Variants in STK32C observed in about 807,000 individuals in gnomAD.
STK32C encodes serine/threonine kinase 32C, also known as serine/threonine-protein kinase 32C.
A neutral mutation model predicts 56.5 loss-of-function variants in STK32C; 31 were observed. The ratio of observed to expected loss-of-function variants is 0.55; its 90% CI spans 0.41 to 0.74. STK32C has a LOEUF of 0.74. Ranked by LOEUF, STK32C falls within the 30% of genes least tolerant of loss-of-function variation. STK32C has a pLI of 0.00. For synonymous variants in STK32C, 309 were observed against 289.4 expected (o/e 1.07, Z -0.69); for missense variants, 544 against 676.9 (o/e 0.80, Z 2.18).
chr10:132,273,043 AC>A (rs1376081326), intron 1 of STK32C, among the ~76,000 whole-genome samples: 1 of 152,294 alleles, frequency 6.6e-6, no homozygotes, highest in African/African-American at 2.4e-5. Flanking sequence ...TGTCGTTTTC[AC>A]CAAGATTTCA....
chr10:132,303,985 A>G (rs965129923), intron 1 of STK32C, among the ~76,000 whole-genome samples: 6 of 152,198 alleles, frequency 3.9e-5, no homozygotes, highest in African/African-American at 1.4e-4. Context: ...ACCCCACGAC[A>G]GCATGGCCCA....
chr10:132,221,543 G>GT, intron 10 of STK32C, among the ~76,000 whole-genome samples: 1 of 130,974 alleles, frequency 7.6e-6, no homozygotes, highest in South Asian at 2.7e-4. Flanking sequence ...CTGGGCAAGT[G>GT]TGAGGGCTTC....
intron 1 of STK32C, among the ~76,000 whole-genome samples, chr10:132,279,875 A>T (rs2065106423): frequency 6.8e-6 from 1 of 146,370 alleles, no homozygotes; most frequent in African/African-American, 2.6e-5. Flanking sequence ...GCACTCTGTG[A>T]TCACGCCACC....
chr10:132,253,928 G>T (rs1413845807), intron 1 of STK32C, among the ~76,000 whole-genome samples: 1 of 152,266 alleles, frequency 6.6e-6, no homozygotes, highest in African/African-American at 2.4e-5. Context: ...CGGCTGAGTG[G>T]CTGGCCCACA....
chr10:132,222,842 G>C lies in STK32C; in HGVS notation c.1119+19C>G. On this transcript the variant is annotated intron_variant, in intron 9 of 11. Coordinates refer to ENST00000298630, the MANE Select transcript of STK32C (RefSeq NM_173575.4). The stretch of plus-strand genomic sequence containing the variant: ...CATCCATCCCCAGGGCCCCCCACCT[G>C]AGCCGCCCACAGGCTTACGTTGGGC... 1 of 1,590,222 alleles carries C rather than the reference G, an allele frequency of 6.3e-7. No homozygotes were observed. The highest frequency in any genetic ancestry group is 8.5e-7 in the Non-Finnish European group (1 of 1,169,696).
chr10:132,250,374 G>A (rs1397843722), intron 1 of STK32C, among the ~76,000 whole-genome samples: 17 of 106,692 alleles, frequency 1.6e-4, no homozygotes, highest in African/African-American at 3.8e-5. Flanking sequence ...GAGGGCAGGT[G>A]TGTGTGAGGC....
rs35033992 is a variant in STK32C, at chr10:132,282,315, C to T, written c.262+25257G>A. On this transcript the variant is annotated intron_variant, in intron 1 of 11. Coordinates refer to ENST00000298630, the MANE Select transcript of STK32C (RefSeq NM_173575.4). ...CCAGCTTCCCCAGGCCGTCCAGAGT[C>T]GCTGCTGGAACTGGAATAAAGTCCT... Among the ~76,000 whole-genome samples, 3 of 152,098 alleles carry T rather than the reference C, an allele frequency of 2.0e-5. No homozygotes were observed. In the East Asian group the frequency reaches 5.8e-4, roughly 29 times the overall value.
chr10:132,300,537 T>C (rs1219408342), intron 1 of STK32C, among the ~76,000 whole-genome samples: 2 of 152,232 alleles, frequency 1.3e-5, no homozygotes, highest in Non-Finnish European at 2.9e-5. Context: ...TTCAAATCAA[T>C]GAGGAAACTG....
chr10:132,251,540 C>T (rs2063905853), intron 1 of STK32C, among the ~76,000 whole-genome samples: 1 of 151,612 alleles, frequency 6.6e-6, no homozygotes, highest in Non-Finnish European at 1.5e-5. Flanking sequence ...ATCTCTTTAC[C>T]CCACCTCGCC....
intron 2 of STK32C, among the ~76,000 whole-genome samples, chr10:132,242,998 A>G (rs2063559264): frequency 6.6e-6 from 1 of 152,224 alleles, no homozygotes; most frequent in Non-Finnish European, 1.5e-5. Context: ...CTTACAGGCC[A>G]GAGGGGCCGG....
chr10:132,301,355 C>T (rs1178531570), intron 1 of STK32C, among the ~76,000 whole-genome samples: 1 of 152,238 alleles, frequency 6.6e-6, no homozygotes, highest in African/African-American at 2.4e-5. Flanking sequence ...GGGCACAGGC[C>T]CTTACTTGAT....
Position 132,226,965 on chromosome 10 carries a change from G to A in STK32C, c.474C>T (p.Tyr158=), listed in dbSNP as rs780330225. 1.2e-6 allele frequency: 2 copies of A among 1,613,164 alleles called. No individual in the cohort carries two copies. Among genetic ancestry groups the A allele is most frequent in the African/African-American group, 1.3e-5 (1 of 75,062 alleles). ...ACATGTCCTCCTCGTCCTGGAAGGA[G>A]TACCTGTGGGCACCGATGGAAGGCC... ...IEHVFLVNLW[Y]SFQDEEDMFM... Residue 158 remains tyrosine (Y), a synonymous_variant, in exon 4 of 12, where the codon TAC becomes TAT. Coordinates refer to ENST00000298630, the MANE Select transcript of STK32C (RefSeq NM_173575.4).
upstream of STK32C, chr10:132,331,834 G>A (rs776389422): frequency 4.6e-6 from 7 of 1,513,504 alleles, no homozygotes; most frequent in South Asian, 2.4e-5. Context: ...AAGGCCGCGG[G>A]CGCGGAAAAA....
chr10:132,237,427 G>A (rs2063332457), intron 2 of STK32C, among the ~76,000 whole-genome samples: 1 of 152,266 alleles, frequency 6.6e-6, no homozygotes, highest in African/African-American at 2.4e-5. Context: ...AGTCATGAGG[G>A]AAACAGCTAT....
At chr10:132,251,185 C>G (rs1302796030) in intron 1 of STK32C, among the ~76,000 whole-genome samples, 2 of 152,234 alleles carry the variant, frequency 1.3e-5, no homozygotes, top group Non-Finnish European at 2.9e-5. Context: ...ACCCCAGCTA[C>G]TGGGTCCCCA....
intron 1 of STK32C, chr10:132,249,069 C>CA (rs1333285545): frequency 2.1e-6 from 1 of 479,076 alleles, no homozygotes; most frequent in South Asian, 1.5e-5. Context: ...GCGGCGGCTC[C>CA]GGCAGAGGCT....
chr10:132,256,123 C>T (rs896128747), intron 1 of STK32C, among the ~76,000 whole-genome samples: 4 of 152,232 alleles, frequency 2.6e-5, no homozygotes, highest in South Asian at 4.1e-4. Flanking sequence ...ATCTTGGCAG[C>T]GATGCCCTCA....
chr10:132,331,190 G>A (rs1412695713), intron 1 of STK32C, among the ~76,000 whole-genome samples: 1 of 90,874 alleles, frequency 1.1e-5, no homozygotes, highest in African/African-American at 4.6e-5. Context: ...GACAAAGCAA[G>A]ACTCCACCTC....
intron 10 of STK32C, 57 bp downstream of exon 10, chr10:132,222,584 A>G: frequency 6.3e-7 from 1 of 1,591,344 alleles, no homozygotes; most frequent in Non-Finnish European, 8.5e-7. Context: ...GCTCGGTGGT[A>G]GAGAGGAGCC....
Sources: gnomAD v4.1 joint callset for allele counts (sites outside exome capture counted in the v4.1 genomes callset) on GRCh38, gnomAD v4.1.1 for gene constraint, MANE v1.5 for transcripts, NCBI Gene and HGNC (gene_info 2026-07-23, HGNC 2026-07-21) for gene names.